LDLRAD4: variants seen among roughly 807,000 people sequenced by gnomAD.
LDLRAD4 encodes low density lipoprotein receptor class A domain containing 4.
Under a neutral mutation model 17.0 loss-of-function variants are expected in LDLRAD4, and 5 were observed. The observed-to-expected ratio is 0.29, with a 90% CI of 0.15 to 0.62. The LOEUF (loss-of-function observed/expected upper bound fraction) is 0.62, where lower values mean the gene tolerates loss of function less well. LDLRAD4 is among the 20% of genes least tolerant of loss of function. The probability of loss-of-function intolerance (pLI) is 0.84; values close to 1 mark genes in which losing one functional copy is unlikely to be tolerated. For synonymous variants in LDLRAD4, 168 were observed against 171.8 expected (o/e 0.98, Z 0.17); for missense variants, 340 against 424.7 (o/e 0.80, Z 1.75).
chr18:13,253,081 A>T (rs73417369), intron 1 of LDLRAD4, among the ~76,000 whole-genome samples: 14,417 of 152,200 alleles, frequency 0.095, 803 homozygotes, highest in East Asian at 0.17. Flanking sequence ...AGTGCCAGTG[A>T]TATTCTGCAG....
At chr18:13,240,009 G>A (rs2042548214) in intron 1 of LDLRAD4, 2 of 152,256 alleles carry the variant, frequency 1.3e-5, no homozygotes, top group Admixed American at 6.5e-5. Context: ...TAGGGTCCCT[G>A]TTCCTGTTTG....
chr18:13,502,524 A>T (rs942765407), intron 3 of LDLRAD4, among the ~76,000 whole-genome samples: 1 of 152,266 alleles, frequency 6.6e-6, no homozygotes, highest in Admixed American at 6.5e-5. Flanking sequence ...GTAAGTGTAC[A>T]ATATGACTGT....
At position 13,229,700 on chromosome 18, in the gene LDLRAD4, C is replaced by T. The variant is rs913207666; in HGVS notation, c.-467+10712C>T. Among the ~76,000 whole-genome samples the T allele has an allele frequency of 2.6e-5, 4 of 152,316 alleles. No homozygotes were observed. The South Asian group carries it at 8.3e-4, about 32-fold the overall frequency. ...GAGGTGGTGGCTCTGACGCTTCCTT[C>T]GCTCCCTCCCTTCCCTCTCCTTCTA... On this transcript the variant is annotated intron_variant, in intron 1 of 5. Transcript: ENST00000399848.
intron 1 of LDLRAD4, among the ~76,000 whole-genome samples, chr18:13,299,453 G>T (rs1341858341): frequency 6.6e-6 from 1 of 152,192 alleles, no homozygotes; most frequent in Admixed American, 6.5e-5. Context: ...ATGGAACTGG[G>T]ACAAGAGCAC....
intron 3 of LDLRAD4, among the ~76,000 whole-genome samples, chr18:13,610,834 A>G (rs1002616121): frequency 2.6e-5 from 4 of 151,960 alleles, no homozygotes; most frequent in African/African-American, 9.7e-5. Context: ...CTCTTCATTC[A>G]CCCAGCAGGG....
intron 2 of LDLRAD4, among the ~76,000 whole-genome samples, chr18:13,424,152 G>GAA (rs1380640199): frequency 7.7e-6 from 1 of 129,582 alleles, no homozygotes; most frequent in African/African-American, 2.7e-5. Context: ...AAAAAAGAAA[G>GAA]AAAAAAAAAA....
intron 3 of LDLRAD4, chr18:13,526,109 T>C (rs1461777016): frequency 6.6e-6 from 1 of 152,208 alleles, no homozygotes; most frequent in African/African-American, 2.4e-5. Flanking sequence ...TATGGCACTG[T>C]TATAAGCAAA....
intron 1 of LDLRAD4, among the ~76,000 whole-genome samples, chr18:13,369,751 C>A (rs2084322961): frequency 6.6e-6 from 1 of 152,192 alleles, no homozygotes; most frequent in East Asian, 1.9e-4. Flanking sequence ...ACTTCATGCT[C>A]TTTAGATAAA....
chr18:13,546,670 A>C (rs2094369505), intron 3 of LDLRAD4, among the ~76,000 whole-genome samples: 1 of 152,090 alleles, frequency 6.6e-6, no homozygotes, highest in African/African-American at 2.4e-5. Flanking sequence ...CCTGGCACAA[A>C]AGTAGTCCGT....
At chr18:13,588,313 CCT>C (rs1406627996) in intron 3 of LDLRAD4, among the ~76,000 whole-genome samples, 2 of 152,150 alleles carry the variant, frequency 1.3e-5, no homozygotes, top group African/African-American at 4.8e-5. Flanking sequence ...TCATCTTGAA[CCT>C]CTCTATTCTG....
intron 2 of LDLRAD4, among the ~76,000 whole-genome samples, chr18:13,395,561 C>T (rs1336722152): frequency 2.5e-4 from 11 of 44,764 alleles, no homozygotes; most frequent in African/African-American, 1.1e-3. Context: ...CAGGAGCTGG[C>T]GTGGGAGCGG....
At chr18:13,574,313 A>G (rs1484477592) in intron 3 of LDLRAD4, among the ~76,000 whole-genome samples, 3 of 152,208 alleles carry the variant, frequency 2.0e-5, no homozygotes, top group South Asian at 2.1e-4. Flanking sequence ...GAAGCCGGCC[A>G]TGGCAGCACT....
chr18:13,611,830 A>C, intron 3 of LDLRAD4: 9 of 985,586 alleles, frequency 9.1e-6, no homozygotes, highest in Non-Finnish European at 1.1e-5. Context: ...TGCTGCGGTT[A>C]GGACCTCACG....
chr18:13,450,821 G>A (rs1447885998), intron 3 of LDLRAD4, among the ~76,000 whole-genome samples: 1 of 152,198 alleles, frequency 6.6e-6, no homozygotes, highest in East Asian at 1.9e-4. Context: ...TCTTCAGGGG[G>A]AGTGTCGTGG....
chr18:13,227,402 G>C (rs1470465097), intron 1 of LDLRAD4, among the ~76,000 whole-genome samples: 1 of 152,206 alleles, frequency 6.6e-6, no homozygotes, highest in Non-Finnish European at 1.5e-5. Context: ...GATCGGTGTG[G>C]TTTTGTTCAC....
intron 2 of LDLRAD4, among the ~76,000 whole-genome samples, chr18:13,410,783 T>C (rs904014568): frequency 6.6e-6 from 1 of 152,188 alleles, no homozygotes; most frequent in Non-Finnish European, 1.5e-5. Flanking sequence ...AACTGAAAGC[T>C]CTGTTTGTAA....
chr18:13,347,988 G>T (rs1330845046), intron 1 of LDLRAD4, among the ~76,000 whole-genome samples: 1 of 152,092 alleles, frequency 6.6e-6, no homozygotes, highest in Non-Finnish European at 1.5e-5. Flanking sequence ...CTTTTTTCAA[G>T]GTTTTTAACT....
At chr18:13,436,308 G>A (rs897789368) in intron 2 of LDLRAD4, among the ~76,000 whole-genome samples, 7 of 152,190 alleles carry the variant, frequency 4.6e-5, no homozygotes, top group African/African-American at 1.4e-4. Context: ...ACGAATGAAT[G>A]AGCCACAGAA....
At chr18:13,394,148 C>T (rs1261887245) in intron 2 of LDLRAD4, among the ~76,000 whole-genome samples, 3 of 152,200 alleles carry the variant, frequency 2.0e-5, no homozygotes, top group African/African-American at 7.2e-5. Context: ...TTCCTTCATG[C>T]TGTTAGCCTC....
Sources: gnomAD v4.1 joint callset for allele counts (sites outside exome capture counted in the v4.1 genomes callset) on GRCh38, gnomAD v4.1.1 for gene constraint, MANE v1.5 for transcripts, NCBI Gene and HGNC (gene_info 2026-07-23, HGNC 2026-07-21) for gene names.